ADAMTS5: variants seen among roughly 807,000 people sequenced by gnomAD.
ADAMTS5 encodes A disintegrin and metalloproteinase with thrombospondin motifs 5.
A neutral mutation model predicts 81.4 loss-of-function variants in ADAMTS5; 54 were observed. That is an observed-to-expected ratio of 0.66 (90% CI 0.53 to 0.83). The LOEUF is 0.83. Among genes scored for constraint, ADAMTS5 ranks in the 40% least tolerant of loss-of-function variants. The pLI is 0.00. For synonymous variants in ADAMTS5, 532 were observed against 508.8 expected, an observed-to-expected ratio of 1.05 and a Z score of -0.61; for missense variants, 1,194 against 1,229.9, an observed-to-expected ratio of 0.97 and a Z score of 0.44.
intron 2 of ADAMTS5, among the ~76,000 whole-genome samples, chr21:26,951,189 G>T (rs1167629852): frequency 6.6e-6 from 1 of 152,144 alleles, no homozygotes; most frequent in Admixed American, 6.5e-5. Flanking sequence ...GTTTCCACGA[G>T]AACCTGTAAG....
intron 3 of ADAMTS5, among the ~76,000 whole-genome samples, chr21:26,941,615 T>C (rs539464322): frequency 2.3e-4 from 35 of 152,200 alleles, no homozygotes; most frequent in Non-Finnish European, 4.1e-4. Flanking sequence ...GGAAAAAAAT[T>C]TGGTCTCATT....
In ADAMTS5 at chr21:26,943,492, A is replaced by G. The variant is rs751286579; in HGVS notation, c.1293T>C (p.Gly431=). The G allele has an allele frequency of 2.5e-6, 4 of 1,613,758 alleles. No homozygotes were observed. The highest frequency in any genetic ancestry group is 3.4e-6 in the Non-Finnish European group (4 of 1,179,768). Residue 431 remains glycine, a synonymous_variant, in exon 3 of 8, where the codon GGT becomes GGC. Transcript: ENST00000284987. ...DDSKFCEETF[G]STEDKRLMSS... ...ACATTAAGCGCTTATCTTCTGTGGA[A>G]CCAAAGGTCTCTTCACAGAATTTGG...
intron 3 of ADAMTS5, among the ~76,000 whole-genome samples, chr21:26,936,403 G>C (rs956608482): frequency 6.6e-6 from 1 of 152,118 alleles, no homozygotes; most frequent in Non-Finnish European, 1.5e-5. Flanking sequence ...TTGTATCCCA[G>C]TATATTTAAC....
At chr21:26,954,609 A>T in intron 2 of ADAMTS5, 130 bp downstream of exon 2, 22 of 1,392,544 alleles carry the variant, frequency 1.6e-5, no homozygotes, top group Non-Finnish European at 2.0e-5. Context: ...GTGCAGATAT[A>T]AACAAATTTA....
chr21:26,965,969 G>C lies in ADAMTS5; in HGVS notation c.423C>G (p.Arg141=). The part of the protein sequence containing the change: ...FYRGTVDGSP[R]SLAVFDLCGG... ...CACAGAGGTCAAAGACAGCCAGAGA[G>C]CGGGGACTACCGTCCACTGTGCCCC... The change falls in exon 1 of 8, where the codon CGC becomes CGG. Residue 141 remains arginine (R), a synonymous_variant. Coordinates refer to ENST00000284987, the MANE Select transcript of ADAMTS5 (RefSeq NM_007038.5). 6.2e-7 allele frequency: 1 copy of C among 1,613,342 alleles called. No homozygotes were observed. The highest frequency in any genetic ancestry group is 1.3e-5 in the African/African-American group (1 of 75,066).
At chr21:26,924,864 C>A (rs1986778917) in intron 7 of ADAMTS5, among the ~76,000 whole-genome samples, 1 of 152,120 alleles carries the variant, frequency 6.6e-6, no homozygotes, top group East Asian at 1.9e-4. Flanking sequence ...ATGATGCTAG[C>A]AACCTGCCTT....
In ADAMTS5 at chr21:26,947,730, C is replaced by T. The variant is rs144648350; in HGVS notation, c.1238-4183G>A. Among the ~76,000 whole-genome samples, 22 of 152,216 alleles carry T rather than the reference C, an allele frequency of 1.4e-4. No individual in the cohort carries two copies. The East Asian group carries it at 3.3e-3, about 23-fold the overall frequency. On this transcript the variant is annotated intron_variant, in intron 2 of 7. Coordinates refer to ENST00000284987, the MANE Select transcript of ADAMTS5 (RefSeq NM_007038.5). ...GATTACAGGTGTGAACCACTGCGCC[C>T]GATCAGAACTGTATTTCGCTGTTTG... is the stretch of plus-strand genomic sequence containing the variant.
rs775381325 is a variant in ADAMTS5, at chr21:26,924,262, C to G, written c.2584G>C (p.Val862Leu). 2.5e-6 allele frequency: 4 copies of G among 1,614,176 alleles called. No homozygotes were observed. Among genetic ancestry groups the G allele is most frequent in the Non-Finnish European group, 2.5e-6 (3 of 1,180,042 alleles). Residue 862 changes from valine (V) to leucine (L), a missense_variant, in exon 8 of 8, where the codon GTC (valine) becomes CTC (leucine). By Grantham distance (32) the Val-to-Leu change is conservative (BLOSUM62 1). Coordinates refer to ENST00000284987, the MANE Select transcript of ADAMTS5 (RefSeq NM_007038.5). ...PKKSTPKVNS[V>L]TSHGSNKVGS... ...ACTTTATTGCTGCCATGACTAGTGA[C>G]AGAGTTTACTTTTGGAGTGGACTTC...
chr21:26,958,631 C>A (rs1347144507), intron 1 of ADAMTS5, among the ~76,000 whole-genome samples: 2 of 152,214 alleles, frequency 1.3e-5, no homozygotes, highest in East Asian at 3.8e-4. Flanking sequence ...GAGATCCAGA[C>A]GTGTTTATTC....
At position 26,944,381 on chromosome 21, in the gene ADAMTS5, A is replaced by G. The variant is rs536697958; in HGVS notation, c.1238-834T>C. ...TTTGTGCTTAAGCCTCTCAACCAAC[A>G]ATGTTCTCTGAAGTTCCAGTCAAGC... is the stretch of plus-strand genomic sequence containing the variant. On this transcript the variant is annotated intron_variant, in intron 2 of 7. Coordinates refer to ENST00000284987, the MANE Select transcript of ADAMTS5 (RefSeq NM_007038.5). 4.6e-5 allele frequency among the ~76,000 whole-genome samples: 7 copies of G among 152,320 alleles called. No homozygotes were observed. The South Asian group carries it at 1.4e-3, about 32-fold the overall frequency.
At chr21:26,963,330 A>G (rs1320429361) in intron 1 of ADAMTS5, among the ~76,000 whole-genome samples, 1 of 152,060 alleles carries the variant, frequency 6.6e-6, no homozygotes, top group East Asian at 1.9e-4. Context: ...AAAGTAATCG[A>G]CAAATCATTG....
At chr21:26,925,087 T>C (rs1437661756) in intron 7 of ADAMTS5, among the ~76,000 whole-genome samples, 1 of 152,218 alleles carries the variant, frequency 6.6e-6, no homozygotes, top group Non-Finnish European at 1.5e-5. Flanking sequence ...TGGGGATCTT[T>C]TAAATCTTTC....
chr21:26,933,327 CA>C (rs752315154), intron 4 of ADAMTS5, among the ~76,000 whole-genome samples: 18 of 152,134 alleles, frequency 1.2e-4, no homozygotes, highest in Non-Finnish European at 2.2e-4. Flanking sequence ...TTCTACGGAC[CA>C]TTGTAAATTA....
In ADAMTS5 at chr21:26,919,450, C is replaced by T. The variant is rs148746098; in HGVS notation, c.*4603G>A. 6.7e-6 allele frequency: 1 copy of T among 149,564 alleles called. No individual in the cohort carries two copies. The highest frequency in any genetic ancestry group is 1.9e-4 in the East Asian group (1 of 5,162). The allele number at this position is 149,564 out of a possible 1,614,324, so 9.3% of individuals were successfully genotyped here. On this transcript the variant is annotated 3_prime_UTR_variant, in exon 8 of 8. Transcript: ENST00000284987. Reference sequence around the variant, plus strand: ...TATTAGTAGAATGCAATTAACTGGGCTAACTAATGTGTATGTTAATGTCTT... The same window carrying T: ...TATTAGTAGAATGCAATTAACTGGGTTAACTAATGTGTATGTTAATGTCTT...
intron 2 of ADAMTS5, among the ~76,000 whole-genome samples, chr21:26,946,135 C>T (rs947366886): frequency 2.6e-5 from 4 of 152,106 alleles, no homozygotes; most frequent in Non-Finnish European, 5.9e-5. Flanking sequence ...GCGAGAGAAC[C>T]GCGTGACTTC....
rs1480166009 is a variant in ADAMTS5, at chr21:26,923,084, C to T, written c.*969G>A. On this transcript the variant is annotated 3_prime_UTR_variant, in exon 8 of 8. Coordinates refer to ENST00000284987, the MANE Select transcript of ADAMTS5 (RefSeq NM_007038.5). ...TGAATGTGTTGGACATGATAGAAAA[C>T]TTGCTGTGTGTTTTGTACGTATATC... 6.6e-6 allele frequency: 1 copy of T among 152,144 alleles called. No individual in the cohort carries two copies. The highest frequency in any genetic ancestry group is 1.5e-5 in the Non-Finnish European group (1 of 67,998). The allele number at this position is 152,144 out of a possible 1,614,324, so 9.4% of individuals were successfully genotyped here. A position where few individuals can be genotyped will look rare whatever the true frequency, so the allele number is the denominator to read the frequency against.
rs773618892 is a variant in ADAMTS5 at position 26,919,131 on chromosome 21, G to A, written c.*4922C>T. The A allele has an allele frequency of 2.0e-5, 3 of 151,654 alleles. No individual in the cohort carries two copies. Among genetic ancestry groups the A allele is most frequent in the African/African-American group, 4.8e-5 (2 of 41,318 alleles). The allele number at this position is 151,654 out of a possible 1,614,324, so 9.4% of individuals were successfully genotyped here. A position where few individuals can be genotyped will look rare whatever the true frequency, so the allele number is the denominator to read the frequency against. ...AATACCACATTTGACAGTCGGTCAC[G>A]AAAGATGTTAGCACCTCAATAAAAA... On this transcript the variant is annotated 3_prime_UTR_variant, in exon 8 of 8. Transcript: ENST00000284987.
At chr21:26,947,439 C>CT (rs892517985) in intron 2 of ADAMTS5, among the ~76,000 whole-genome samples, 263 of 146,072 alleles carry the variant, frequency 1.8e-3, no homozygotes, top group East Asian at 5.8e-3. Context: ...TTTTCTTTTT[C>CT]TTTTTTTTTT....
In ADAMTS5 at chr21:26,922,905, C is replaced by T. The variant is rs1339484094; in HGVS notation, c.*1148G>A. On this transcript the variant is annotated 3_prime_UTR_variant, in exon 8 of 8. Coordinates refer to ENST00000284987, the MANE Select transcript of ADAMTS5 (RefSeq NM_007038.5). ...ACCACATTAACAATGATAACCACTT[C>T]TCAATGTGGCTAACTACCAAGTGAT... The T allele has an allele frequency of 1.3e-5, 2 of 152,590 alleles. No individual in the cohort carries two copies. Among genetic ancestry groups the T allele is most frequent in the Non-Finnish European group, 2.9e-5 (2 of 67,998 alleles). 9.5% of individuals were successfully genotyped at this position (152,590 alleles called of 1,614,324 possible).
Sources: gnomAD v4.1 joint callset for allele counts (sites outside exome capture counted in the v4.1 genomes callset) on GRCh38, gnomAD v4.1.1 for gene constraint, MANE v1.5 for transcripts, NCBI Gene and HGNC (gene_info 2026-07-23, HGNC 2026-07-21) for gene names.